The following TTPAL variants were observed in gnomAD, a reference collection of about 807,000 sequenced individuals.
TTPAL encodes the protein alpha-tocopherol transfer protein-like.
TTPAL carries 21 observed loss-of-function variants against 28.7 expected under a neutral mutation model. The ratio of observed to expected loss-of-function variants is 0.73; its 90% CI spans 0.52 to 1.06. TTPAL has a LOEUF of 1.06. TTPAL is among the 50% of genes least tolerant of loss of function. The pLI is 0.00. For synonymous variants in TTPAL, 169 were observed against 171.9 expected, an observed-to-expected ratio of 0.98 and a Z score of 0.13; for missense variants, 345 against 425.5, an observed-to-expected ratio of 0.81 and a Z score of 1.67.
rs2122800469 is a variant in TTPAL, at chr20:44,480,836, G to GCA, written c.445+394_445+395dup. On this transcript the variant is annotated intron_variant, in intron 2 of 4. Coordinates refer to ENST00000262605, the MANE Select transcript of TTPAL (RefSeq NM_001039199.3). The surrounding 1 kb of genome is among the most constrained non-coding windows in gnomAD (Gnocchi z 4.1). The stretch of plus-strand genomic sequence containing the variant: ...CTGTGTATGGCTGTCCCGCTCCTGT[G>GCA]CACGTAGTTAAATCTGGCACCCTCT... 6.6e-6 allele frequency among the ~76,000 whole-genome samples: 1 copy of GCA among 152,302 alleles called. No homozygotes were observed. The highest frequency in any genetic ancestry group is 1.5e-5 in the Non-Finnish European group (1 of 68,018).
intron 1 of TTPAL, among the ~76,000 whole-genome samples, chr20:44,479,399 G>GTTTT (rs869123576): frequency 2.7e-4 from 22 of 81,558 alleles, no homozygotes; most frequent in Non-Finnish European, 5.1e-4. Flanking sequence ...AATCTGAGTT[G>GTTTT]TTTTTTTTTT....
rs2064096793 is a variant in TTPAL at position 44,480,754 on chromosome 20, T to G, written c.445+310T>G. Among the ~76,000 whole-genome samples the G allele has an allele frequency of 6.6e-6, 1 of 152,210 alleles. No homozygotes were observed. Among genetic ancestry groups the G allele is most frequent in the South Asian group, 2.1e-4 (1 of 4,836 alleles). On this transcript the variant is annotated intron_variant, in intron 2 of 4. Coordinates refer to ENST00000262605, the MANE Select transcript of TTPAL (RefSeq NM_001039199.3). This position sits in a 1 kb window ranked among gnomAD's most constrained non-coding sequence, Gnocchi z 4.1. ...CGTTCTCCCTGTCTCTGCCTGACGG[T>G]CTGTGTATCCTTCAGCCACACATTT...
rs537046057 is a variant in TTPAL, at chr20:44,493,296, G to A, written c.*3755G>A. ...AAACTCCATCTCAAAAATAAAAATT[G>A]AAAAATCAGGTTACAAAACACCATT... is the stretch of plus-strand genomic sequence containing the variant. On this transcript the variant is annotated 3_prime_UTR_variant, in exon 5 of 5. Coordinates refer to ENST00000262605, the MANE Select transcript of TTPAL (RefSeq NM_001039199.3). The A allele has an allele frequency of 9.2e-5, 14 of 152,256 alleles. No individual in the cohort carries two copies. In the East Asian group the frequency reaches 2.4e-3, roughly 27 times the overall value. The allele number at this position is 152,256 out of a possible 1,614,324, so 9.4% of individuals were successfully genotyped here.
At chr20:44,485,373 G>C (rs926966895) in intron 3 of TTPAL, among the ~76,000 whole-genome samples, 1 of 152,140 alleles carries the variant, frequency 6.6e-6, no homozygotes, top group Non-Finnish European at 1.5e-5. Flanking sequence ...CGAATCCTCT[G>C]AGATAGGCAA....
In TTPAL at chr20:44,480,839, C is replaced by T. The variant is rs1463735064; in HGVS notation, c.445+395C>T. On this transcript the variant is annotated intron_variant, in intron 2 of 4. Transcript: ENST00000262605. The surrounding 1 kb of genome is among the most constrained non-coding windows in gnomAD (Gnocchi z 4.1). ...TGTATGGCTGTCCCGCTCCTGTGCACGTAGTTAAATCTGGCACCCTCTCAG... is the reference window on the plus strand; with the variant it reads ...TGTATGGCTGTCCCGCTCCTGTGCATGTAGTTAAATCTGGCACCCTCTCAG... 6.6e-6 allele frequency among the ~76,000 whole-genome samples: 1 copy of T among 152,188 alleles called. No homozygotes were observed. Among genetic ancestry groups the T allele is most frequent in the Admixed American group, 6.5e-5 (1 of 15,278 alleles).
At chr20:44,479,961 T>C in intron 1 of TTPAL, 24 bp from the exon 2 acceptor site, 1 of 1,585,446 alleles carries the variant, frequency 6.3e-7, no homozygotes, top group Non-Finnish European at 8.6e-7. Flanking sequence ...TTGTTAACTT[T>C]GCTTAGGGCT....
rs895780080 is a variant in TTPAL, at chr20:44,491,897, G to C, written c.*2356G>C. ...TTCTACACTGCATTCCTGGCCAGTC[G>C]CATTTGTTTTAATGCAGGCATGGCC... On this transcript the variant is annotated 3_prime_UTR_variant, in exon 5 of 5. Coordinates refer to ENST00000262605, the MANE Select transcript of TTPAL (RefSeq NM_001039199.3). 6.6e-6 allele frequency: 1 copy of C among 152,332 alleles called. No homozygotes were observed. The highest frequency in any genetic ancestry group is 2.4e-5 in the African/African-American group (1 of 41,432). The allele number at this position is 152,332 out of a possible 1,614,324, so 9.4% of individuals were successfully genotyped here.
At position 44,480,410 on chromosome 20, in the gene TTPAL, C is replaced by T. The variant is rs1411312218; in HGVS notation, c.411C>T (p.Asp137=). 2 of 1,609,272 alleles carry T rather than the reference C, an allele frequency of 1.2e-6. No individual in the cohort carries two copies. Among genetic ancestry groups the T allele is most frequent in the African/African-American group, 1.3e-5 (1 of 74,788 alleles). ...TCCTCACCGTGCTGCCCCACACTGA[C>T]CCCAGGGGCTGCCATGTCGTCTGCA... ...SGFLTVLPHT[D]PRGCHVVCIR... The change falls in exon 2 of 5, where the codon GAC becomes GAT. Residue 137 remains aspartate, a synonymous_variant. Coordinates refer to ENST00000262605, the MANE Select transcript of TTPAL (RefSeq NM_001039199.3). This position sits in a 1 kb window ranked among gnomAD's most constrained non-coding sequence, Gnocchi z 4.1.
chr20:44,477,018 G>C (rs1231234713), intron 1 of TTPAL, among the ~76,000 whole-genome samples: 1 of 152,230 alleles, frequency 6.6e-6, no homozygotes, highest in Non-Finnish European at 1.5e-5. Flanking sequence ...TGACATGGCA[G>C]CTGAGCCTGA....
At chr20:44,485,044 C>T (rs185287545) in intron 3 of TTPAL, among the ~76,000 whole-genome samples, 17 of 152,242 alleles carry the variant, frequency 1.1e-4, no homozygotes, top group East Asian at 1.9e-4. Flanking sequence ...ACCCAGGAGG[C>T]GGAGGTTGCA....
chr20:44,478,598 CTCA>C (rs2064068004), intron 1 of TTPAL: 1 of 152,226 alleles, frequency 6.6e-6, no homozygotes, highest in Non-Finnish European at 1.5e-5. Flanking sequence ...AATCCTCTTT[CTCA>C]TCTTAAATCT....
At chr20:44,479,422 T>C (rs940392569) in intron 1 of TTPAL, among the ~76,000 whole-genome samples, 5 of 144,380 alleles carry the variant, frequency 3.5e-5, no homozygotes, top group African/African-American at 1.0e-4. Flanking sequence ...TTTTTTTTTT[T>C]TTTTTTGAGA....
intron 1 of TTPAL, among the ~76,000 whole-genome samples, chr20:44,479,220 CA>C (rs1419927022): frequency 6.6e-6 from 1 of 152,086 alleles, no homozygotes; most frequent in African/African-American, 2.4e-5. Flanking sequence ...AGGCCATGTG[CA>C]TATTATGCAT....
chr20:44,478,921 C>T (rs902271935), intron 1 of TTPAL, among the ~76,000 whole-genome samples: 11 of 152,180 alleles, frequency 7.2e-5, no homozygotes, highest in African/African-American at 2.7e-4. Context: ...TCCCTAGTAG[C>T]TGGGACTACA....
chr20:44,480,221 AT>A lies in TTPAL; in HGVS notation c.223del (p.Ser75ProfsTer42), dbSNP rs769446073. 6.2e-7 allele frequency: 1 copy of A among 1,614,164 alleles called. No homozygotes were observed. Among genetic ancestry groups the A allele is most frequent in the South Asian group, 1.1e-5 (1 of 91,084 alleles). ...GGAAGGAGTACCCCAACCTGAGCACATCCCTCGACGATGCCTTCCTGCTGCG... is the reference window on the plus strand; with the variant it reads ...GGAAGGAGTACCCCAACCTGAGCACACCCTCGACGATGCCTTCCTGCTGCG... ...VRKEYPNLST[S>X]LDDAFLLRFL... On this transcript the variant is annotated frameshift_variant, in exon 2 of 5. Coordinates refer to ENST00000262605, the MANE Select transcript of TTPAL (RefSeq NM_001039199.3). LOFTEE classifies it high-confidence loss of function. The surrounding 1 kb of genome is among the most constrained non-coding windows in gnomAD (Gnocchi z 4.1).
chr20:44,486,661 T>A lies in TTPAL; in HGVS notation c.705T>A (p.Ile235=), dbSNP rs545943518. The change falls in exon 4 of 5, where the codon ATT becomes ATA. Residue 235 remains isoleucine, a synonymous_variant. Transcript: ENST00000262605. ...ATGAACCTCGAATATTTAAAGGCAT[T>A]TTTGCCATCATAAAACCATTTCTAA... is the stretch of plus-strand genomic sequence containing the variant. The part of the protein sequence containing the change: ...VVNEPRIFKG[I]FAIIKPFLKE... The A allele has an allele frequency of 3.1e-6, 5 of 1,613,558 alleles. No homozygotes were observed. Among genetic ancestry groups the A allele is most frequent in the Non-Finnish European group, 4.2e-6 (5 of 1,179,730 alleles).
At position 44,491,873 on chromosome 20, in the gene TTPAL, T is replaced by C. The variant is rs1384438406; in HGVS notation, c.*2332T>C. ...AATCACTCAGCCCTGATGTTTCAAT[T>C]CTACACTGCATTCCTGGCCAGTCGC... On this transcript the variant is annotated 3_prime_UTR_variant, in exon 5 of 5. Transcript: ENST00000262605. 1 of 152,356 alleles carries C rather than the reference T, an allele frequency of 6.6e-6. No homozygotes were observed. Among genetic ancestry groups the C allele is most frequent in the Non-Finnish European group, 1.5e-5 (1 of 68,056 alleles). 9.4% of individuals were successfully genotyped at this position (152,356 alleles called of 1,614,324 possible).
Position 44,489,661 on chromosome 20 carries a change from G to A in TTPAL, c.*120G>A. The A allele has an allele frequency of 1.8e-6, 2 of 1,141,580 alleles. No individual in the cohort carries two copies. The highest frequency in any genetic ancestry group is 2.4e-6 in the Non-Finnish European group (2 of 828,004). The allele number at this position is 1,141,580 out of a possible 1,614,324, so 70.7% of individuals were successfully genotyped here. The stretch of plus-strand genomic sequence containing the variant: ...CTTGTAATTAAACTGCAGGATGGAG[G>A]AACAGCCTGAGATATGAGCATGAGC... On this transcript the variant is annotated 3_prime_UTR_variant, in exon 5 of 5. Transcript: ENST00000262605.
At chr20:44,488,264 C>T (rs1297576100) in intron 4 of TTPAL, among the ~76,000 whole-genome samples, 1 of 152,188 alleles carries the variant, frequency 6.6e-6, no homozygotes, top group African/African-American at 2.4e-5. Flanking sequence ...AGTGGCTTCC[C>T]TGACTGTATG....
Sources: gnomAD v4.1 joint callset for allele counts (sites outside exome capture counted in the v4.1 genomes callset) on GRCh38, gnomAD v4.1.1 for gene constraint, Gnocchi (gnomAD v3.1) non-coding constraint, MANE v1.5 for transcripts, NCBI Gene and HGNC (gene_info 2026-07-23, HGNC 2026-07-21) for gene names.